Variants in PPFIA2 observed in about 807,000 individuals in gnomAD.
The protein encoded by PPFIA2 is liprin-alpha-2.
PPFIA2 carries 46 observed loss-of-function variants against 175.5 expected under a neutral mutation model. That is an observed-to-expected ratio of 0.26 (90% confidence interval 0.21 to 0.34). The LOEUF (loss-of-function observed/expected upper bound fraction) is 0.34. Among genes scored for constraint, PPFIA2 ranks in the 10% least tolerant of loss-of-function variants. The probability of loss-of-function intolerance (pLI) is 1.00; values close to 1 mark genes in which losing one functional copy is unlikely to be tolerated. For synonymous variants in PPFIA2, 568 were observed against 511.4 expected, an observed-to-expected ratio of 1.11 and a Z score of -1.49; for missense variants, 1,179 against 1,506.1, an observed-to-expected ratio of 0.78 and a Z score of 3.60.
At chr12:81,698,073 C>T (rs1278591418) in intron 3 of PPFIA2, among the ~76,000 whole-genome samples, 1 of 152,020 alleles carries the variant, frequency 6.6e-6, no homozygotes, top group Non-Finnish European at 1.5e-5. Flanking sequence ...AGAACAGAAA[C>T]ATTAAGGTGA....
chr12:81,522,036 T>G (rs1004388666), intron 4 of PPFIA2, among the ~76,000 whole-genome samples: 1 of 152,198 alleles, frequency 6.6e-6, no homozygotes, highest in African/African-American at 2.4e-5. Context: ...AATAAAATAT[T>G]TGAAATAAGT....
intron 7 of PPFIA2, among the ~76,000 whole-genome samples, chr12:81,431,774 C>T (rs931314672): frequency 7.2e-5 from 11 of 151,974 alleles, no homozygotes; most frequent in African/African-American, 2.2e-4. Context: ...TCTATAAAAC[C>T]GAAAATCCAA....
At chr12:81,425,351 T>A (rs2046961159) in intron 7 of PPFIA2, among the ~76,000 whole-genome samples, 1 of 152,058 alleles carries the variant, frequency 6.6e-6, no homozygotes. Flanking sequence ...ATTTTTTTAT[T>A]TATTCTTTTT....
intron 21 of PPFIA2, among the ~76,000 whole-genome samples, chr12:81,331,199 T>C (rs1003064233): frequency 2.0e-5 from 3 of 152,244 alleles, no homozygotes; most frequent in Admixed American, 1.3e-4. Flanking sequence ...ATTTTCACTA[T>C]ACCTTTTATG....
At position 81,404,671 on chromosome 12, in the gene PPFIA2, C is replaced by G. The variant is rs556945802; in HGVS notation, c.762+1116G>C. Among the ~76,000 whole-genome samples, 3 of 152,262 alleles carry G rather than the reference C, an allele frequency of 2.0e-5. No homozygotes were observed. In the East Asian group the frequency reaches 5.8e-4, roughly 29 times the overall value. On this transcript the variant is annotated intron_variant, in intron 8 of 32. Coordinates refer to ENST00000549396, the MANE Select transcript of PPFIA2 (RefSeq NM_003625.5). Reference sequence around the variant, plus strand: ...TAAATTCGTGGTCTTATGTGAAGATCTGTTCATTTGTCAGCCACCAGAATT... The same window carrying G: ...TAAATTCGTGGTCTTATGTGAAGATGTGTTCATTTGTCAGCCACCAGAATT...
intron 3 of PPFIA2, among the ~76,000 whole-genome samples, chr12:81,708,429 A>T (rs1310617531): frequency 6.6e-6 from 1 of 150,844 alleles, no homozygotes; most frequent in Non-Finnish European, 1.5e-5. Flanking sequence ...TTTACTTTTA[A>T]CTTAGTGAAC....
chr12:81,567,285 G>A (rs1339974331), intron 4 of PPFIA2, among the ~76,000 whole-genome samples: 3 of 152,104 alleles, frequency 2.0e-5, no homozygotes, highest in Admixed American at 6.5e-5. Flanking sequence ...TCCTGACCTC[G>A]TGATCCACCT....
At chr12:81,534,831 T>A (rs1330245470) in intron 4 of PPFIA2, among the ~76,000 whole-genome samples, 1 of 151,662 alleles carries the variant, frequency 6.6e-6, no homozygotes, top group Admixed American at 6.6e-5. Flanking sequence ...AGAGTAGTGC[T>A]GATATGCAAA....
intron 3 of PPFIA2, among the ~76,000 whole-genome samples, chr12:81,689,840 C>A (rs1245396273): frequency 6.6e-6 from 1 of 152,044 alleles, no homozygotes; most frequent in Non-Finnish European, 1.5e-5. Context: ...TGAGCCACAC[C>A]ACCAGGTAAG....
At chr12:81,394,947 T>C (rs2040840701) in intron 8 of PPFIA2, among the ~76,000 whole-genome samples, 2 of 152,040 alleles carry the variant, frequency 1.3e-5, no homozygotes, top group African/African-American at 4.8e-5. Context: ...ATGATAAGCA[T>C]CACATTAATG....
At chr12:81,438,337 A>C (rs1384634587) in intron 7 of PPFIA2, among the ~76,000 whole-genome samples, 1 of 152,102 alleles carries the variant, frequency 6.6e-6, no homozygotes, top group Non-Finnish European at 1.5e-5. Context: ...GGGTGGTGGC[A>C]CATGCCCGTA....
At chr12:81,335,983 C>T (rs964317918) in intron 21 of PPFIA2, among the ~76,000 whole-genome samples, 1 of 152,056 alleles carries the variant, frequency 6.6e-6, no homozygotes, top group Non-Finnish European at 1.5e-5. Context: ...AAGAACAAAC[C>T]CTCACTGATT....
intron 4 of PPFIA2, among the ~76,000 whole-genome samples, chr12:81,509,661 T>A (rs555317799): frequency 6.6e-6 from 1 of 151,870 alleles, no homozygotes; most frequent in Admixed American, 6.6e-5. Flanking sequence ...CTATATAAAG[T>A]CTGTCCCCAT....
chr12:81,264,646 G>A (rs2036653911), intron 30 of PPFIA2, among the ~76,000 whole-genome samples: 3 of 152,052 alleles, frequency 2.0e-5, no homozygotes, highest in South Asian at 2.1e-4. Context: ...TTAATTAAGG[G>A]ACATTTAAAG....
At chr12:81,549,427 T>C (rs2067524598) in intron 4 of PPFIA2, among the ~76,000 whole-genome samples, 2 of 152,198 alleles carry the variant, frequency 1.3e-5, no homozygotes, top group African/African-American at 4.8e-5. Flanking sequence ...TTGGTTTCTC[T>C]AAAAATATGA....
intron 4 of PPFIA2, among the ~76,000 whole-genome samples, chr12:81,578,427 T>C (rs1043181401): frequency 3.3e-5 from 5 of 151,714 alleles, no homozygotes; most frequent in Admixed American, 6.6e-5. Context: ...CATAAAAAAT[T>C]ATCCCAACTA....
intron 24 of PPFIA2, chr12:81,294,484 AGG>A: frequency 5.3e-6 from 1 of 188,674 alleles, no homozygotes; most frequent in African/African-American, 2.6e-5. Context: ...GAAGGAAGGA[AGG>A]AAAGAAGGAA....
At chr12:81,407,959 G>C (rs2043227000) in intron 7 of PPFIA2, among the ~76,000 whole-genome samples, 1 of 152,130 alleles carries the variant, frequency 6.6e-6, no homozygotes, top group Non-Finnish European at 1.5e-5. Context: ...TCAAAAGAAT[G>C]CTTCATTGAA....
intron 4 of PPFIA2, among the ~76,000 whole-genome samples, chr12:81,671,629 C>T (rs898434495): frequency 6.6e-6 from 1 of 151,888 alleles, no homozygotes; most frequent in Non-Finnish European, 1.5e-5. Flanking sequence ...TCCCTTTGGT[C>T]TTTAGTATAA....
Sources: allele counts gnomAD v4.1 joint callset (sites outside exome capture counted in the v4.1 genomes callset), GRCh38; gene constraint gnomAD v4.1.1; transcripts MANE v1.5; gene names NCBI Gene and HGNC (gene_info 2026-07-23, HGNC 2026-07-21).